Variants in DLG2 observed in about 807,000 individuals in gnomAD.
DLG2 encodes the protein disks large homolog 2.
In DLG2, 45 loss-of-function variants were observed where a neutral mutation model predicts 132.5. That is an observed-to-expected ratio of 0.34 (90% CI 0.27 to 0.44). The LOEUF is 0.44. Among genes scored for constraint, DLG2 ranks in the 20% least tolerant of loss-of-function variants. The probability of loss-of-function intolerance (pLI) is 1.00; values close to 1 mark genes in which losing one functional copy is unlikely to be tolerated. For synonymous variants in DLG2, 424 were observed against 419.6 expected (o/e 1.01, Z -0.13); for missense variants, 1,045 against 1,196.9 (o/e 0.87, Z 1.87).
At chr11:84,061,857 A>G (rs1249694067) in intron 10 of DLG2, among the ~76,000 whole-genome samples, 1 of 137,830 alleles carries the variant, frequency 7.3e-6, no homozygotes, top group Admixed American at 7.1e-5. Flanking sequence ...TTGACAAAAA[A>G]AAAAAAAAAA....
At chr11:84,766,420 G>T (rs924765577) in intron 6 of DLG2, among the ~76,000 whole-genome samples, 1 of 151,896 alleles carries the variant, frequency 6.6e-6, no homozygotes, top group African/African-American at 2.4e-5. Context: ...ATCGCTCAGG[G>T]ATAATATTCA....
At chr11:84,823,580 TCCAC>T (rs1566061357) in intron 6 of DLG2, among the ~76,000 whole-genome samples, 1 of 94,480 alleles carries the variant, frequency 1.1e-5, no homozygotes, top group Non-Finnish European at 2.1e-5. Flanking sequence ...TGGTTGTATA[TCCAC>T]ACACACACAC....
chr11:85,468,026 G>A (rs1456734684), intron 3 of DLG2, among the ~76,000 whole-genome samples: 3 of 152,036 alleles, frequency 2.0e-5, no homozygotes, highest in Non-Finnish European at 4.4e-5. Context: ...ACTTCTTCCT[G>A]GTTTAGTCTT....
chr11:84,314,998 G>A (rs918104889), intron 7 of DLG2, among the ~76,000 whole-genome samples: 1 of 152,106 alleles, frequency 6.6e-6, no homozygotes, highest in South Asian at 2.1e-4. Context: ...CATAGCTCCA[G>A]TATTTGTGGA....
chr11:84,148,379 C>T (rs931340355), intron 9 of DLG2, among the ~76,000 whole-genome samples: 2 of 152,012 alleles, frequency 1.3e-5, no homozygotes, highest in African/African-American at 4.8e-5. Context: ...TCCCTCCTTC[C>T]CTCTCCCCTC....
At chr11:83,520,310 A>G (rs1237196112) in intron 21 of DLG2, among the ~76,000 whole-genome samples, 1 of 152,232 alleles carries the variant, frequency 6.6e-6, no homozygotes, top group Non-Finnish European at 1.5e-5. Flanking sequence ...GAATGAATGG[A>G]AACTGCATTA....
chr11:85,130,287 T>A (rs2075573740), intron 5 of DLG2, among the ~76,000 whole-genome samples: 1 of 152,146 alleles, frequency 6.6e-6, no homozygotes, highest in African/African-American at 2.4e-5. Context: ...TTTATCAGCA[T>A]CCCTCTGCTC....
chr11:85,137,219 C>G (rs1216495791), intron 5 of DLG2, among the ~76,000 whole-genome samples: 1 of 151,994 alleles, frequency 6.6e-6, no homozygotes, highest in Non-Finnish European at 1.5e-5. Context: ...GTTAGAAAAA[C>G]AGTAATAAAT....
At chr11:85,298,882 A>G (rs527687410) in intron 3 of DLG2, among the ~76,000 whole-genome samples, 83 of 152,296 alleles carry the variant, frequency 5.4e-4, no homozygotes, top group African/African-American at 1.7e-3. Flanking sequence ...ATGGGTCAAG[A>G]GACTTTTTTA....
At chr11:84,054,933 T>A (rs1486461803) in intron 11 of DLG2, among the ~76,000 whole-genome samples, 1 of 152,070 alleles carries the variant, frequency 6.6e-6, no homozygotes, top group African/African-American at 2.4e-5. Context: ...ATTAAATGCA[T>A]TAACTCTTTA....
rs368618680 is a variant in DLG2, at chr11:84,988,126, GAAA to G, written c.357+123532_357+123534del. On this transcript the variant is annotated intron_variant, in intron 6 of 27. Coordinates refer to ENST00000376104, the MANE Select transcript of DLG2 (RefSeq NM_001142699.3). ...CAAAAGAAGATATAAAAATGGCCAA[GAAA>G]CGTAGGAAAAAATGCTCAACGTCAC... Among the ~76,000 whole-genome samples, 392 of 152,186 alleles carry G rather than the reference GAAA, an allele frequency of 2.6e-3. 1 individual carries two copies. Among genetic ancestry groups the G allele is most frequent in the African/African-American group, 8.9e-3 (370 of 41,536 alleles).
chr11:85,468,705 A>G (rs1190432694), intron 3 of DLG2, among the ~76,000 whole-genome samples: 1 of 152,142 alleles, frequency 6.6e-6, no homozygotes, highest in Non-Finnish European at 1.5e-5. Context: ...GTTCTTTTAC[A>G]TTTGCTGAGG....
In DLG2 at chr11:84,055,713, T is replaced by G. The variant is rs561556105; in HGVS notation, c.919+3602A>C. Among the ~76,000 whole-genome samples the G allele has an allele frequency of 2.2e-4, 33 of 152,210 alleles. No homozygotes were observed. The South Asian group carries it at 6.8e-3, about 32-fold the overall frequency. The stretch of plus-strand genomic sequence containing the variant: ...TAAGTGACACTTGCTTACAGAAGTC[T>G]CCTTTGACCCACTATTTAATTGGCA... On this transcript the variant is annotated intron_variant, in intron 11 of 27. Transcript: ENST00000376104.
At chr11:84,615,389 G>T (rs2099602174) in intron 6 of DLG2, among the ~76,000 whole-genome samples, 1 of 151,944 alleles carries the variant, frequency 6.6e-6, no homozygotes, top group African/African-American at 2.4e-5. Context: ...TACTGCTCTT[G>T]GTCACCTGAA....
At chr11:84,512,353 C>T (rs185454250) in intron 7 of DLG2, among the ~76,000 whole-genome samples, 2 of 152,070 alleles carry the variant, frequency 1.3e-5, no homozygotes, top group East Asian at 3.9e-4. Flanking sequence ...GCACTTCAGG[C>T]AAAATAGAAC....
At chr11:84,882,152 A>T (rs1222086558) in intron 6 of DLG2, among the ~76,000 whole-genome samples, 1 of 152,028 alleles carries the variant, frequency 6.6e-6, no homozygotes, top group Non-Finnish European at 1.5e-5. Context: ...ATGAGACAGT[A>T]CACCTTCTTT....
intron 6 of DLG2, among the ~76,000 whole-genome samples, chr11:84,542,166 G>A (rs2099375356): frequency 1.3e-5 from 2 of 151,082 alleles, no homozygotes; most frequent in South Asian, 4.2e-4. Context: ...AGAGAGAGGG[G>A]GAAGGAACAA....
intron 6 of DLG2, among the ~76,000 whole-genome samples, chr11:84,603,271 T>C (rs2099579869): frequency 6.6e-6 from 1 of 152,112 alleles, no homozygotes; most frequent in African/African-American, 2.4e-5. Context: ...TATATCTCTA[T>C]GCACCCGGAT....
At chr11:85,056,764 A>G (rs1332599639) in intron 6 of DLG2, among the ~76,000 whole-genome samples, 1 of 152,024 alleles carries the variant, frequency 6.6e-6, no homozygotes, top group African/African-American at 2.4e-5. Flanking sequence ...TTAATTATAA[A>G]GAAGCAAAGA....
Sources: allele counts gnomAD v4.1 joint callset (sites outside exome capture counted in the v4.1 genomes callset), GRCh38; gene constraint gnomAD v4.1.1; transcripts MANE v1.5; gene names NCBI Gene and HGNC (gene_info 2026-07-23, HGNC 2026-07-21).